UBE2H: variants seen among roughly 807,000 people sequenced by gnomAD.
The protein encoded by UBE2H is ubiquitin conjugating enzyme E2 H, also known as ubiquitin-conjugating enzyme E2 H.
In UBE2H, 3 loss-of-function variants were observed where a neutral mutation model predicts 29.0. The ratio of observed to expected loss-of-function variants is 0.10; its 90% CI spans 0.05 to 0.27. UBE2H has a LOEUF of 0.27. Ranked by LOEUF, UBE2H falls within the 10% of genes least tolerant of loss-of-function variation. UBE2H has a pLI of 1.00. For missense variants in UBE2H, 68 were observed against 228.2 expected (o/e 0.30, Z 4.52); for synonymous variants, 69 against 82.9 (o/e 0.83, Z 0.91).
intron 3 of UBE2H, among the ~76,000 whole-genome samples, chr7:129,874,445 G>C (rs1806104817): frequency 6.6e-6 from 1 of 151,878 alleles, no homozygotes; most frequent in Non-Finnish European, 1.5e-5. Flanking sequence ...GAGTAGCTGG[G>C]ACTACAGGTG....
rs144917886 is a variant in UBE2H, at chr7:129,929,093, C to T, written c.53+23410G>A. On this transcript the variant is annotated intron_variant, in intron 1 of 6. Transcript: ENST00000355621. Reference sequence around the variant, plus strand: ...CAGCACTTTGGGAGGCCGAGGCAGGCGGATCACCTGAGGTCGGGAGTTTGA... The same window carrying T: ...CAGCACTTTGGGAGGCCGAGGCAGGTGGATCACCTGAGGTCGGGAGTTTGA... 3.3e-3 allele frequency among the ~76,000 whole-genome samples: 507 copies of T among 151,928 alleles called. 3 individuals carry two copies. Among genetic ancestry groups the T allele is most frequent in the African/African-American group, 0.012 (483 of 41,470 alleles).
At chr7:129,944,937 A>T (rs1416932639) in intron 1 of UBE2H, among the ~76,000 whole-genome samples, 1 of 152,090 alleles carries the variant, frequency 6.6e-6, no homozygotes, top group Non-Finnish European at 1.5e-5. Flanking sequence ...TCCACATAAT[A>T]GAATACTACT....
intron 4 of UBE2H, among the ~76,000 whole-genome samples, 179 bp from the exon 5 acceptor site, chr7:129,857,742 T>C (rs867428016): frequency 6.6e-6 from 1 of 152,178 alleles, no homozygotes; most frequent in African/African-American, 2.4e-5. Context: ...AGTGTCACCT[T>C]ACAGACTGAA....
At chr7:129,888,430 T>C (rs766099215) in intron 1 of UBE2H, among the ~76,000 whole-genome samples, 11 of 152,052 alleles carry the variant, frequency 7.2e-5, no homozygotes, top group Non-Finnish European at 1.5e-4. Flanking sequence ...GGTGGGAGGA[T>C]TGTTTTGAGC....
At chr7:129,944,648 C>T (rs1563054763) in intron 1 of UBE2H, among the ~76,000 whole-genome samples, 1 of 151,584 alleles carries the variant, frequency 6.6e-6, no homozygotes, top group East Asian at 1.9e-4. Context: ...GAGATCACAC[C>T]ATGAACTCTC....
intron 1 of UBE2H, among the ~76,000 whole-genome samples, chr7:129,891,702 T>C (rs1806490767): frequency 6.6e-6 from 1 of 150,980 alleles, no homozygotes; most frequent in Non-Finnish European, 1.5e-5. Context: ...CTTGGGAGGC[T>C]AACACAGTAG....
At chr7:129,940,113 G>A (rs1168379895) in intron 1 of UBE2H, among the ~76,000 whole-genome samples, 1 of 152,062 alleles carries the variant, frequency 6.6e-6, no homozygotes. Flanking sequence ...CACGCACTCT[G>A]TATCTAGTTT....
intron 1 of UBE2H, among the ~76,000 whole-genome samples, chr7:129,892,770 G>A (rs1304361961): frequency 6.6e-6 from 1 of 151,766 alleles, no homozygotes; most frequent in South Asian, 2.1e-4. Flanking sequence ...GATGACACTG[G>A]GCTACTATCC....
chr7:129,903,958 C>T (rs1021331496), intron 1 of UBE2H, among the ~76,000 whole-genome samples: 3 of 152,208 alleles, frequency 2.0e-5, no homozygotes, highest in Non-Finnish European at 2.9e-5. Context: ...TGAGTATTAA[C>T]ATTCCAGAAA....
intron 1 of UBE2H, among the ~76,000 whole-genome samples, chr7:129,920,592 T>C (rs1807137911): frequency 6.6e-6 from 1 of 151,864 alleles, no homozygotes; most frequent in South Asian, 2.1e-4. Flanking sequence ...CATACATACA[T>C]ATATGAGAAA....
intron 1 of UBE2H, among the ~76,000 whole-genome samples, chr7:129,900,190 ACTT>A (rs1306927642): frequency 2.0e-5 from 3 of 152,174 alleles, no homozygotes; most frequent in East Asian, 1.9e-4. Context: ...TATGAAGTTA[ACTT>A]CTTATTTCTT....
At chr7:129,862,190 G>T (rs1168790925) in intron 3 of UBE2H, among the ~76,000 whole-genome samples, 1 of 152,164 alleles carries the variant, frequency 6.6e-6, no homozygotes, top group Admixed American at 6.5e-5. Flanking sequence ...GTGGTTTAAT[G>T]CAAGAGAATG....
chr7:129,839,366 G>GT, intron 5 of UBE2H, 31 bp from the exon 6 acceptor site: 1 of 1,609,584 alleles, frequency 6.2e-7, no homozygotes. Context: ...GTCACACATG[G>GT]GAAATGCAAG....
intron 5 of UBE2H, among the ~76,000 whole-genome samples, chr7:129,840,247 G>A (rs1426883435): frequency 6.6e-6 from 1 of 151,940 alleles, no homozygotes; most frequent in Non-Finnish European, 1.5e-5. Context: ...GTGCATAGGT[G>A]TGATCATACC....
intron 1 of UBE2H, among the ~76,000 whole-genome samples, chr7:129,907,548 C>T (rs932627192): frequency 6.6e-5 from 10 of 152,050 alleles, no homozygotes; most frequent in Admixed American, 2.6e-4. Context: ...AAAAGCAAGA[C>T]GGTAGAGAGC....
chr7:129,883,360 G>A (rs1806292548), intron 1 of UBE2H, among the ~76,000 whole-genome samples: 1 of 152,140 alleles, frequency 6.6e-6, no homozygotes, highest in Non-Finnish European at 1.5e-5. Context: ...CATACCCTAT[G>A]CCTGTCAGCG....
intron 1 of UBE2H, among the ~76,000 whole-genome samples, chr7:129,902,822 G>T (rs974545706): frequency 2.0e-4 from 30 of 152,274 alleles, no homozygotes; most frequent in Non-Finnish European, 3.1e-4. Context: ...TTTACCCTAC[G>T]GGGAAACTGA....
intron 1 of UBE2H, among the ~76,000 whole-genome samples, chr7:129,897,400 CCCCTGCTGCTCCCTTTACTACTTCAA>C (rs1421660244): frequency 6.6e-6 from 1 of 152,174 alleles, no homozygotes; most frequent in African/African-American, 2.4e-5. Context: ...GAATGGCTGA[CCCCTGCTGCTCCCTTTACTACTTCAA>C]GTTCATTAGG....
intron 6 of UBE2H, among the ~76,000 whole-genome samples, chr7:129,836,788 G>A (rs951483932): frequency 6.8e-6 from 1 of 147,740 alleles, no homozygotes; most frequent in African/African-American, 2.5e-5. Context: ...GCTGAGGAAG[G>A]AGAATCACTT....
Sources: allele counts gnomAD v4.1 joint callset (sites outside exome capture counted in the v4.1 genomes callset), GRCh38; gene constraint gnomAD v4.1.1; transcripts MANE v1.5; gene names NCBI Gene and HGNC (gene_info 2026-07-23, HGNC 2026-07-21).